SH2B3: variants seen among roughly 807,000 people sequenced by gnomAD.
SH2B3 encodes SH2B adapter protein 3.
In SH2B3, 43 loss-of-function variants were observed where a neutral mutation model predicts 51.9. The ratio of observed to expected loss-of-function variants is 0.83; its 90% confidence interval spans 0.65 to 1.07. The LOEUF is 1.07. Ranked by LOEUF, SH2B3 falls within the 50% of genes least tolerant of loss-of-function variation. The pLI, the probability that SH2B3 is intolerant of heterozygous loss-of-function variation, is 0.00. For synonymous variants in SH2B3, 396 were observed against 376.0 expected, an observed-to-expected ratio of 1.05 and a Z score of -0.62; for missense variants, 952 against 834.3, an observed-to-expected ratio of 1.14 and a Z score of -1.74.
At chr12:111,432,877 C>T (rs1872597013) in intron 2 of SH2B3, among the ~76,000 whole-genome samples, 1 of 152,232 alleles carries the variant, frequency 6.6e-6, no homozygotes, top group African/African-American at 2.4e-5. Flanking sequence ...ATTGTATGGA[C>T]TTGCCACATT....
chr12:111,436,153 T>G (rs889746535), intron 2 of SH2B3, among the ~76,000 whole-genome samples: 2 of 152,216 alleles, frequency 1.3e-5, no homozygotes, highest in Admixed American at 6.5e-5. Context: ...TGTCCTTATT[T>G]GGCACTTGAG....
rs1275358830 is a variant in SH2B3 at position 111,410,191 on chromosome 12, G to C, written c.-28+3914G>C. Among the ~76,000 whole-genome samples the C allele has an allele frequency of 1.3e-5, 2 of 152,226 alleles. No individual in the cohort carries two copies. The highest frequency in any genetic ancestry group is 2.9e-5 in the Non-Finnish European group (2 of 68,020). On this transcript the variant is annotated intron_variant, in intron 1 of 7. Coordinates refer to ENST00000341259, the MANE Select transcript of SH2B3 (RefSeq NM_005475.3). The surrounding 1 kb of genome is among the most constrained non-coding windows in gnomAD (Gnocchi z 4.9). ...TGGGGGGCCCCAGCTGGGAGACTGG[G>C]AATGTGATCAATCAGGGAGGTGGAC...
At chr12:111,405,412 G>A (rs1184452714), upstream of SH2B3, among the ~76,000 whole-genome samples, 2 of 152,214 alleles carry the variant, frequency 1.3e-5, no homozygotes, top group Non-Finnish European at 2.9e-5. This position sits in a 1 kb window ranked among gnomAD's most constrained non-coding sequence, Gnocchi z 5.4. Flanking sequence ...GATGAAAGCC[G>A]TGGTCGCTAT....
chr12:111,447,915 T>C, intron 7 of SH2B3, 68 bp from the exon 8 acceptor site: 1 of 1,550,196 alleles, frequency 6.5e-7, no homozygotes, highest in Non-Finnish European at 8.8e-7. Flanking sequence ...TACAGGTATC[T>C]TGTTCTGTGT....
chr12:111,447,250 T>C lies in SH2B3; in HGVS notation c.1021+31T>C, dbSNP rs139221788. 26 of 1,596,272 alleles carry C rather than the reference T, an allele frequency of 1.6e-5. 1 individual carries two copies. In the South Asian group the frequency reaches 2.6e-4, roughly 16 times the overall value. On this transcript the variant is annotated intron_variant, in intron 5 of 7. Coordinates refer to ENST00000341259, the MANE Select transcript of SH2B3 (RefSeq NM_005475.3). ...TAAACCAATAGCTAGGCCATTGTCT[T>C]CTGGGTACGCTGGAACCCAGACTCA...
At position 111,447,227 on chromosome 12, in the gene SH2B3, A is replaced by T; in HGVS notation, c.1021+8A>T. The T allele has an allele frequency of 6.2e-7, 1 of 1,608,290 alleles. No individual in the cohort carries two copies. Among genetic ancestry groups the T allele is most frequent in the Middle Eastern group, 1.7e-4 (1 of 6,042 alleles). On this transcript the variant is annotated splice_region_variant and intron_variant, in intron 5 of 7. Transcript: ENST00000341259. ...CAGATTCCCTTAACCAAGGTGGGTA[A>T]ACCAATAGCTAGGCCATTGTCTTCT... is the stretch of plus-strand genomic sequence containing the variant.
rs879510607 is a variant in SH2B3 at position 111,429,106 on chromosome 12, G to T, written c.732+10229G>T. ...AGCCGCCTCGGGCTCTGACAGGCGC[G>T]GCCCTGGCCTGCCCCTGCCCTTCTG... On this transcript the variant is annotated intron_variant, in intron 2 of 7. Transcript: ENST00000341259. This position sits in a 1 kb window ranked among gnomAD's most constrained non-coding sequence, Gnocchi z 4.4. Among the ~76,000 whole-genome samples the T allele has an allele frequency of 5.3e-5, 8 of 151,976 alleles. No individual in the cohort carries two copies. Among genetic ancestry groups the T allele is most frequent in the Admixed American group, 2.0e-4 (3 of 15,258 alleles).
Position 111,447,529 on chromosome 12 carries a change from T to C in SH2B3, c.1221T>C (p.Phe407=). The change falls in exon 6 of 8, where the codon TTT becomes TTC. Residue 407 remains phenylalanine (F), a synonymous_variant. Transcript: ENST00000341259. The part of the protein sequence containing the change: ...RRGEYVLTFN[F]QGIAKHLRLS... ...GGGAATACGTGCTCACTTTCAACTT[T>C]CAGGGGATAGCCAAGGTATGGGGTG... The C allele has an allele frequency of 8.4e-7, 1 of 1,190,178 alleles. No individual in the cohort carries two copies. The highest frequency in any genetic ancestry group is 1.1e-6 in the Non-Finnish European group (1 of 887,898). The allele number at this position is 1,190,178 out of a possible 1,614,324, so 73.7% of individuals were successfully genotyped here. A position where few individuals can be genotyped will look rare whatever the true frequency, so the allele number is the denominator to read the frequency against.
chr12:111,417,495 G>C (rs1871177371), intron 1 of SH2B3, among the ~76,000 whole-genome samples: 1 of 90,106 alleles, frequency 1.1e-5, no homozygotes, highest in African/African-American at 6.7e-5. Context: ...TTTATTTTTT[G>C]AGACAGAGTC....
At chr12:111,428,890 C>G (rs1466350909) in intron 2 of SH2B3, among the ~76,000 whole-genome samples, 2 of 151,304 alleles carry the variant, frequency 1.3e-5, no homozygotes, top group Admixed American at 6.6e-5. Context: ...AGGAGTCGGG[C>G]TCTGGGCCCA....
In SH2B3 at chr12:111,448,325, A is replaced by C. The variant is rs756052069; in HGVS notation, c.*23A>C. 16 of 1,545,214 alleles carry C rather than the reference A, an allele frequency of 1.0e-5. No individual in the cohort carries two copies. Among genetic ancestry groups the C allele is most frequent in the Non-Finnish European group, 1.3e-5 (15 of 1,126,288 alleles). ...TGACCAGTGAGGAATTCCAGGCCTC[A>C]ACAGCTGCCCTTGAGGAGCACAGGC... On this transcript the variant is annotated 3_prime_UTR_variant, in exon 8 of 8. Coordinates refer to ENST00000341259, the MANE Select transcript of SH2B3 (RefSeq NM_005475.3).
At chr12:111,445,404 C>T (rs1245886358) in intron 2 of SH2B3, among the ~76,000 whole-genome samples, 3 of 152,244 alleles carry the variant, frequency 2.0e-5, no homozygotes, top group African/African-American at 7.2e-5. Context: ...TCCCTGCACA[C>T]TGCGCTGTGT....
chr12:111,420,987 C>T (rs1871504218), intron 2 of SH2B3, among the ~76,000 whole-genome samples: 1 of 152,124 alleles, frequency 6.6e-6, no homozygotes, highest in Admixed American at 6.5e-5. Flanking sequence ...CGTGTGTGTG[C>T]AACGCAAGTG....
At chr12:111,431,959 G>C (rs994508641) in intron 2 of SH2B3, among the ~76,000 whole-genome samples, 4 of 152,120 alleles carry the variant, frequency 2.6e-5, no homozygotes, top group Non-Finnish European at 5.9e-5. Flanking sequence ...AATTCCTTCA[G>C]CAATTGCTGG....
intron 1 of SH2B3, among the ~76,000 whole-genome samples, chr12:111,414,931 T>A (rs1035313368): frequency 1.3e-5 from 2 of 152,080 alleles, no homozygotes; most frequent in African/African-American, 4.8e-5. Flanking sequence ...AGAGGTTGAG[T>A]CAGGCATCAG....
At chr12:111,434,198 A>C (rs1872682186) in intron 2 of SH2B3, among the ~76,000 whole-genome samples, 3 of 152,208 alleles carry the variant, frequency 2.0e-5, no homozygotes, top group Admixed American at 1.3e-4. Flanking sequence ...CACTTGTTTA[A>C]ATTGTACAAT....
At position 111,448,341 on chromosome 12, in the gene SH2B3, G is replaced by GA. The variant is rs1874267819; in HGVS notation, c.*40dup. On this transcript the variant is annotated 3_prime_UTR_variant, in exon 8 of 8. Coordinates refer to ENST00000341259, the MANE Select transcript of SH2B3 (RefSeq NM_005475.3). ...CCAGGCCTCAACAGCTGCCCTTGAG[G>GA]AGCACAGGCAGAAGTGTGAACTTGT... 7.1e-7 allele frequency: 1 copy of GA among 1,411,002 alleles called. No homozygotes were observed. The highest frequency in any genetic ancestry group is 9.9e-7 in the Non-Finnish European group (1 of 1,014,594). The allele number at this position is 1,411,002 out of a possible 1,614,324, so 87.4% of individuals were successfully genotyped here. A position where few individuals can be genotyped will look rare whatever the true frequency, so the allele number is the denominator to read the frequency against.
At chr12:111,442,439 G>A (rs1472214821) in intron 2 of SH2B3, among the ~76,000 whole-genome samples, 1 of 150,984 alleles carries the variant, frequency 6.6e-6, no homozygotes, top group African/African-American at 2.4e-5. Context: ...TGGTGCTGGA[G>A]GGTCGACTGA....
At chr12:111,415,695 C>T (rs1294186864) in intron 1 of SH2B3, among the ~76,000 whole-genome samples, 8 of 147,508 alleles carry the variant, frequency 5.4e-5, no homozygotes, top group African/African-American at 2.0e-4. Context: ...GATCTCAGCT[C>T]GTTGCAACCT....
Sources: allele counts gnomAD v4.1 joint callset (sites outside exome capture counted in the v4.1 genomes callset), GRCh38; gene constraint gnomAD v4.1.1; non-coding constraint Gnocchi (gnomAD v3.1); transcripts MANE v1.5; gene names NCBI Gene and HGNC (gene_info 2026-07-23, HGNC 2026-07-21).